NXPE2: variants seen among roughly 807,000 people sequenced by gnomAD.
The protein encoded by NXPE2 is NXPE family member 2.
In NXPE2, 34 loss-of-function variants were observed where a neutral mutation model predicts 34.4. The ratio of observed to expected loss-of-function variants is 0.99; its 90% CI spans 0.75 to 1.31. The LOEUF (loss-of-function observed/expected upper bound fraction) is 1.31, where lower values mean the gene tolerates loss of function less well. Among genes scored for constraint, NXPE2 ranks in the 40% most tolerant of loss-of-function variants. The pLI is 0.00. For synonymous variants in NXPE2, 235 were observed against 231.3 expected (o/e 1.02, Z -0.15); for missense variants, 649 against 672.5 (o/e 0.97, Z 0.39).
the NXPE2 span, among the ~76,000 whole-genome samples, chr11:114,626,891 A>T: frequency 2.0e-5 from 3 of 152,152 alleles, no homozygotes; most frequent in Non-Finnish European, 4.4e-5. Context: ...TCAGGAGCTG[A>T]TGCGATCAAC....
the NXPE2 span, among the ~76,000 whole-genome samples, chr11:114,506,445 C>T: frequency 6.6e-6 from 1 of 152,198 alleles, no homozygotes; most frequent in South Asian, 2.1e-4. Context: ...TTCATTGCCA[C>T]ATGGCACATA....
chr11:114,482,153 G>T, the NXPE2 span, among the ~76,000 whole-genome samples: 2 of 152,306 alleles, frequency 1.3e-5, no homozygotes, highest in African/African-American at 4.8e-5. Flanking sequence ...GCAAGGTTGA[G>T]AGGATACAGA....
At chr11:114,641,399 A>G in the NXPE2 span, among the ~76,000 whole-genome samples, 1 of 152,118 alleles carries the variant, frequency 6.6e-6, no homozygotes, top group Admixed American at 6.6e-5. Flanking sequence ...AAATCTCAGC[A>G]ACTTTCAAAT....
At chr11:114,627,421 G>A in the NXPE2 span, among the ~76,000 whole-genome samples, 2 of 151,644 alleles carry the variant, frequency 1.3e-5, no homozygotes, top group African/African-American at 4.8e-5. Flanking sequence ...GCCAAACTAA[G>A]CTTCATAAGT....
the NXPE2 span, among the ~76,000 whole-genome samples, chr11:114,536,306 A>C: frequency 6.6e-6 from 1 of 152,242 alleles, no homozygotes; most frequent in Non-Finnish European, 1.5e-5. Flanking sequence ...AATTTATAGC[A>C]CTAAATGCCC....
chr11:114,602,866 A>G, the NXPE2 span, among the ~76,000 whole-genome samples: 4 of 147,258 alleles, frequency 2.7e-5, no homozygotes, highest in Non-Finnish European at 1.5e-5. Context: ...ATTATCTCAT[A>G]TATAATTATA....
chr11:114,609,610 G>A, the NXPE2 span, among the ~76,000 whole-genome samples: 1 of 151,594 alleles, frequency 6.6e-6, no homozygotes, highest in African/African-American at 2.4e-5. Flanking sequence ...TGCCTCGTGG[G>A]TAGGCATGCT....
At chr11:114,530,274 A>G in the NXPE2 span, 2 of 1,614,226 alleles carry the variant, frequency 1.2e-6, no homozygotes, top group Admixed American at 1.7e-5. Flanking sequence ...TTGAGGCTTC[A>G]TACAATAGAA....
At chr11:114,780,671 C>T in the NXPE2 span, among the ~76,000 whole-genome samples, 1 of 152,160 alleles carries the variant, frequency 6.6e-6, no homozygotes, top group African/African-American at 2.4e-5. Flanking sequence ...AAAAAAACAA[C>T]ATGCTGTAAG....
intron 2 of NXPE2, among the ~76,000 whole-genome samples, chr11:114,694,130 C>T (rs1287540131): frequency 2.0e-5 from 3 of 152,190 alleles, no homozygotes; most frequent in Non-Finnish European, 4.4e-5. Context: ...TTTTCCTTTT[C>T]TGCCACTGTC....
At chr11:114,511,467 G>A in the NXPE2 span, among the ~76,000 whole-genome samples, 3,189 of 152,288 alleles carry the variant, frequency 0.021, 120 homozygotes, top group African/African-American at 0.073. Flanking sequence ...CCTTGATGGC[G>A]TAATGGGGAG....
chr11:114,546,305 TGTGGTAG>T, the NXPE2 span, among the ~76,000 whole-genome samples: 17 of 152,062 alleles, frequency 1.1e-4, no homozygotes, highest in South Asian at 2.1e-4. Context: ...TCATGATTGA[TGTGGTAG>T]GTGAAGGCTA....
chr11:114,782,682 G>A, the NXPE2 span, among the ~76,000 whole-genome samples: 1 of 152,314 alleles, frequency 6.6e-6, no homozygotes, highest in East Asian at 1.9e-4. Flanking sequence ...CTGAGGATAA[G>A]TCACGTGTAT....
chr11:114,630,588 A>G, the NXPE2 span, among the ~76,000 whole-genome samples: 1 of 151,558 alleles, frequency 6.6e-6, no homozygotes, highest in African/African-American at 2.4e-5. Context: ...AAACCTAGGC[A>G]TTACCATTCA....
chr11:114,498,411 C>T, the NXPE2 span, among the ~76,000 whole-genome samples: 45 of 152,034 alleles, frequency 3.0e-4, 1 homozygote, highest in Non-Finnish European at 1.2e-4. Context: ...CAGTATATCA[C>T]ATGTACTACA....
At chr11:114,631,013 G>C in the NXPE2 span, among the ~76,000 whole-genome samples, 2 of 151,228 alleles carry the variant, frequency 1.3e-5, no homozygotes, top group African/African-American at 4.9e-5. Flanking sequence ...TCATTAAAAA[G>C]TCAGGAAACA....
At chr11:114,522,151 T>A in the NXPE2 span, 1 of 1,614,094 alleles carries the variant, frequency 6.2e-7, no homozygotes, top group Non-Finnish European at 8.5e-7. Context: ...CAAACCTCTC[T>A]GTCTCTATGT....
the NXPE2 span, among the ~76,000 whole-genome samples, chr11:114,724,731 C>T: frequency 2.6e-5 from 4 of 151,970 alleles, no homozygotes; most frequent in Non-Finnish European, 5.9e-5. Flanking sequence ...TCAATTATGC[C>T]TCTGAACTAG....
At chr11:114,494,996 T>A in the NXPE2 span, among the ~76,000 whole-genome samples, 686 of 152,308 alleles carry the variant, frequency 4.5e-3, 7 homozygotes, top group African/African-American at 0.015. Flanking sequence ...TTGGGTGAGA[T>A]CTGGGAGAAT....
Sources: gnomAD v4.1 joint callset for allele counts (sites outside exome capture counted in the v4.1 genomes callset) on GRCh38, gnomAD v4.1.1 for gene constraint, MANE v1.5 for transcripts, NCBI Gene and HGNC (gene_info 2026-07-23, HGNC 2026-07-21) for gene names.